The following RYR3 variants were observed in gnomAD, a reference collection of about 807,000 sequenced individuals.
RYR3 encodes ryanodine receptor 3.
A neutral mutation model predicts 584.3 loss-of-function variants in RYR3; 207 were observed. The ratio of observed to expected loss-of-function variants is 0.35; its 90% CI spans 0.32 to 0.40. RYR3 has a LOEUF of 0.40. Ranked by LOEUF, RYR3 falls within the 10% of genes least tolerant of loss-of-function variation. RYR3 has a pLI of 1.00. For missense variants in RYR3, 5,616 were observed against 6,089.2 expected (o/e 0.92, Z 2.59); for synonymous variants, 2,416 against 2,248.5 (o/e 1.07, Z -2.11).
At chr15:33,858,052 T>TAGA in intron 99 of RYR3, 138 bp downstream of exon 99, 1 of 1,142,462 alleles carries the variant, frequency 8.8e-7, no homozygotes, top group Non-Finnish European at 1.2e-6. Context: ...GAGATTAAAG[T>TAGA]AGAAGACAGA....
At chr15:33,673,908 A>T in intron 38 of RYR3, among the ~76,000 whole-genome samples, 1 of 152,180 alleles carries the variant, frequency 6.6e-6, no homozygotes, top group East Asian at 1.9e-4. Context: ...AGCATGGCTG[A>T]GTCTTTCTGA....
In RYR3 at chr15:33,865,231, G is replaced by A; in HGVS notation, c.*5G>A. Reference sequence around the variant, plus strand: ...TATGAAGATCAGCTTGGATAAATCTGAATCAAAGAAGCGCGACAATTCTGG... The same window carrying A: ...TATGAAGATCAGCTTGGATAAATCTAAATCAAAGAAGCGCGACAATTCTGG... On this transcript the variant is annotated 3_prime_UTR_variant, in exon 104 of 104. Transcript: ENST00000634891. The A allele has an allele frequency of 1.2e-6, 2 of 1,603,866 alleles. No individual in the cohort carries two copies. Among genetic ancestry groups the A allele is most frequent in the Non-Finnish European group, 1.7e-6 (2 of 1,173,580 alleles).
At chr15:33,547,532 G>A (rs2056337854) in intron 8 of RYR3, among the ~76,000 whole-genome samples, 1 of 152,080 alleles carries the variant, frequency 6.6e-6, no homozygotes, top group Non-Finnish European at 1.5e-5. Context: ...GTAACTGTTT[G>A]ATAAACCTAA....
intron 7 of RYR3, among the ~76,000 whole-genome samples, chr15:33,541,150 C>T (rs992646316): frequency 2.0e-5 from 3 of 152,010 alleles, no homozygotes; most frequent in African/African-American, 7.3e-5. Context: ...GTATTCAGGA[C>T]TTGGATATGC....
At chr15:33,463,319 A>T (rs2048198111) in intron 1 of RYR3, among the ~76,000 whole-genome samples, 1 of 152,134 alleles carries the variant, frequency 6.6e-6, no homozygotes, top group Non-Finnish European at 1.5e-5. Flanking sequence ...ATTCTTCTCC[A>T]TGGCTGTTGT....
At chr15:33,858,388 G>A (rs1821985191) in intron 99 of RYR3, among the ~76,000 whole-genome samples, 1 of 151,970 alleles carries the variant, frequency 6.6e-6, no homozygotes, top group South Asian at 2.1e-4. Flanking sequence ...ATTTTTTTTA[G>A]TAGTGATGGG....
chr15:33,778,953 A>G (rs2074205966), intron 64 of RYR3, among the ~76,000 whole-genome samples: 1 of 152,178 alleles, frequency 6.6e-6, no homozygotes, highest in Non-Finnish European at 1.5e-5. Flanking sequence ...AAAACATAAA[A>G]CCACATATAT....
intron 1 of RYR3, among the ~76,000 whole-genome samples, chr15:33,375,374 C>G (rs1400545344): frequency 6.6e-6 from 1 of 152,124 alleles, no homozygotes; most frequent in Admixed American, 6.5e-5. Flanking sequence ...CGAGCCTAGT[C>G]GGCTGCAATC....
intron 81 of RYR3, 75 bp downstream of exon 81, chr15:33,823,147 C>T (rs2077198462): frequency 1.7e-6 from 2 of 1,200,444 alleles, no homozygotes; most frequent in Non-Finnish European, 1.2e-6. Flanking sequence ...AAGGGGAGCA[C>T]AAAATATACT....
rs779815950 is a variant in RYR3 at position 33,697,946 on chromosome 15, G to C, written c.6199G>C (p.Glu2067Gln). 1 of 1,613,886 alleles carries C rather than the reference G, an allele frequency of 6.2e-7. No homozygotes were observed. The highest frequency in any genetic ancestry group is 1.7e-5 in the Admixed American group (1 of 60,024). Reference sequence around the variant, plus strand: ...CCTCATGAGAGTCCTGGGCATGCACGAGACGGTGATGGAGGTGATGGTGAA... The same window carrying C: ...CCTCATGAGAGTCCTGGGCATGCACCAGACGGTGATGGAGGTGATGGTGAA... ...PNLMRVLGMH[E>Q]TVMEVMVNVL... Residue 2067 changes from glutamate (E) to glutamine (Q), a missense_variant, in exon 40 of 104, where the codon GAG becomes CAG. Physicochemically the swap from Glu to Gln is conservative, Grantham distance 29. Coordinates refer to ENST00000634891, the MANE Select transcript of RYR3 (RefSeq NM_001036.6).
At chr15:33,862,403 T>C (rs1888613854) in intron 102 of RYR3, among the ~76,000 whole-genome samples, 1 of 151,528 alleles carries the variant, frequency 6.6e-6, no homozygotes, top group Admixed American at 6.6e-5. Context: ...GAAGGGGCTT[T>C]GCTGTATTGC....
chr15:33,514,872 C>T (rs540444223), intron 3 of RYR3, among the ~76,000 whole-genome samples: 4 of 152,020 alleles, frequency 2.6e-5, no homozygotes, highest in Non-Finnish European at 4.4e-5. Context: ...GGCATGGTGG[C>T]GGGCGCCTGT....
chr15:33,383,410 G>T (rs1192484902), intron 1 of RYR3, among the ~76,000 whole-genome samples: 1 of 151,400 alleles, frequency 6.6e-6, no homozygotes, highest in Admixed American at 6.6e-5. Context: ...CCTCTGACTG[G>T]TGATCCCTGT....
Position 33,664,386 on chromosome 15 carries a change from G to A in RYR3, c.5619+649G>A, listed in dbSNP as rs139166306. Reference sequence around the variant, plus strand: ...CCTAGTGAGAAATTTCTAAATGAGGGAGACACATTCTGTAGAATAGGAGTT... The same window carrying A: ...CCTAGTGAGAAATTTCTAAATGAGGAAGACACATTCTGTAGAATAGGAGTT... On this transcript the variant is annotated intron_variant, in intron 36 of 103. Coordinates refer to ENST00000634891, the MANE Select transcript of RYR3 (RefSeq NM_001036.6). 1.1e-3 allele frequency among the ~76,000 whole-genome samples: 167 copies of A among 152,006 alleles called. 1 individual carries two copies. Among genetic ancestry groups the A allele is most frequent in the African/African-American group, 3.9e-3 (163 of 41,468 alleles).
At chr15:33,378,835 T>A (rs11631357) in intron 1 of RYR3, among the ~76,000 whole-genome samples, 6,015 of 152,222 alleles carry the variant, frequency 0.04, 161 homozygotes, top group Non-Finnish European at 0.061. Flanking sequence ...CATAGCTGTG[T>A]GTGCCTGTAG....
chr15:33,744,175 C>T (rs7172932), intron 52 of RYR3, among the ~76,000 whole-genome samples: 25,788 of 152,150 alleles, frequency 0.17, 2,554 homozygotes, highest in Middle Eastern at 0.27. Context: ...AAATATCACT[C>T]CAAGCATGAA....
chr15:33,785,578 CA>C, intron 65 of RYR3, 83 bp from the exon 66 acceptor site: 1 of 1,145,010 alleles, frequency 8.7e-7, no homozygotes, highest in Non-Finnish European at 1.2e-6. Flanking sequence ...TCCTAAAGAC[CA>C]AAGGAAAGGA....
intron 2 of RYR3, among the ~76,000 whole-genome samples, chr15:33,486,229 T>C (rs2050407907): frequency 6.6e-6 from 1 of 152,214 alleles, no homozygotes. Flanking sequence ...CTTGCAGTTC[T>C]GGAGGCTAGA....
chr15:33,747,970 C>G, intron 53 of RYR3, 144 bp from the exon 54 acceptor site: 1 of 713,356 alleles, frequency 1.4e-6, no homozygotes, highest in Non-Finnish European at 2.4e-6. Flanking sequence ...TAAGATGCCA[C>G]AAAGGATGTT....
Sources: allele counts gnomAD v4.1 joint callset (sites outside exome capture counted in the v4.1 genomes callset), GRCh38; gene constraint gnomAD v4.1.1; transcripts MANE v1.5; gene names NCBI Gene and HGNC (gene_info 2026-07-23, HGNC 2026-07-21).